The following STARD3NL variants were observed in gnomAD, a reference collection of about 807,000 sequenced individuals.
The protein encoded by STARD3NL is STARD3 N-terminal like.
STARD3NL carries 17 observed loss-of-function variants against 30.9 expected under a neutral mutation model. That is an observed-to-expected ratio of 0.55 (90% CI 0.38 to 0.82). The LOEUF is 0.82. Ranked by LOEUF, STARD3NL falls within the 40% of genes least tolerant of loss-of-function variation. The pLI is 0.00. For synonymous variants in STARD3NL, 112 were observed against 100.5 expected, an observed-to-expected ratio of 1.11 and a Z score of -0.69; for missense variants, 234 against 277.6, an observed-to-expected ratio of 0.84 and a Z score of 1.12.
intron 7 of STARD3NL, among the ~76,000 whole-genome samples, chr7:38,223,700 G>A (rs1051353242): frequency 9.9e-5 from 15 of 151,742 alleles, no homozygotes; most frequent in African/African-American, 2.9e-4. Context: ...CCTATGTGTC[G>A]TGAATAGATT....
intron 2 of STARD3NL, among the ~76,000 whole-genome samples, chr7:38,208,497 T>C (rs13224408): frequency 0.083 from 12,696 of 152,252 alleles, 653 homozygotes; most frequent in Middle Eastern, 0.15. Context: ...GAAACTCATT[T>C]TAATAATATT....
Position 38,207,690 on chromosome 7 carries a change from C to T in STARD3NL, c.186C>T (p.Asp62=). 1 of 1,614,040 alleles carries T rather than the reference C, an allele frequency of 6.2e-7. No individual in the cohort carries two copies. The highest frequency in any genetic ancestry group is 8.5e-7 in the Non-Finnish European group (1 of 1,179,952). The stretch of plus-strand genomic sequence containing the variant: ...CTTTCTGTTTGTTTGTCACCTTTGA[C>T]CTCTTATTCGTAACATTACTGTGGA... ...RRTFCLFVTF[D]LLFVTLLWII... Residue 62 remains aspartate (D), a synonymous_variant, in exon 2 of 9, where the codon GAC becomes GAT. Transcript: ENST00000009041.
At chr7:38,194,440 C>T (rs1784820701) in intron 1 of STARD3NL, among the ~76,000 whole-genome samples, 1 of 151,934 alleles carries the variant, frequency 6.6e-6, no homozygotes, top group Non-Finnish European at 1.5e-5. Flanking sequence ...CATTGTTTTT[C>T]TTTTTTCTTT....
chr7:38,219,366 G>A (rs924488127), intron 6 of STARD3NL, among the ~76,000 whole-genome samples, 199 bp from the exon 7 acceptor site: 1 of 152,134 alleles, frequency 6.6e-6, no homozygotes, highest in Non-Finnish European at 1.5e-5. Flanking sequence ...ACTTATTTAA[G>A]CTGCTTAGTT....
intron 7 of STARD3NL, among the ~76,000 whole-genome samples, chr7:38,221,099 T>C (rs1786436046): frequency 6.6e-6 from 1 of 152,178 alleles, no homozygotes; most frequent in Admixed American, 6.6e-5. Context: ...GAAGTCAAAT[T>C]TTCAGAATGG....
chr7:38,184,576 C>T (rs1448047644), intron 1 of STARD3NL, among the ~76,000 whole-genome samples: 4 of 149,854 alleles, frequency 2.7e-5, no homozygotes, highest in African/African-American at 9.9e-5. Flanking sequence ...AGAGCTCACT[C>T]ATCACCAAGG....
intron 1 of STARD3NL, among the ~76,000 whole-genome samples, chr7:38,196,753 A>G (rs900850380): frequency 6.6e-6 from 1 of 152,204 alleles, no homozygotes; most frequent in Non-Finnish European, 1.5e-5. Context: ...AGATTTCTCT[A>G]TATAGTAGCT....
chr7:38,187,026 A>G (rs1400675517), intron 1 of STARD3NL, among the ~76,000 whole-genome samples: 1 of 100,162 alleles, frequency 1.0e-5, no homozygotes, highest in Admixed American at 9.3e-5. Context: ...AGCAGCTTCT[A>G]AAAAAAAAAA....
chr7:38,219,435 A>G, intron 6 of STARD3NL, 130 bp from the exon 7 acceptor site: 1 of 589,536 alleles, frequency 1.7e-6, no homozygotes, highest in South Asian at 2.2e-5. Context: ...TGGTTGAAAC[A>G]TTTTTAAAGT....
At chr7:38,207,834 T>C in intron 2 of STARD3NL, 105 bp downstream of exon 2, 1 of 1,095,624 alleles carries the variant, frequency 9.1e-7, no homozygotes. Context: ...AATTTCCATC[T>C]TTTTCCAAAT....
At chr7:38,195,903 G>A (rs1274880266) in intron 1 of STARD3NL, among the ~76,000 whole-genome samples, 2 of 152,140 alleles carry the variant, frequency 1.3e-5, no homozygotes, top group African/African-American at 2.4e-5. Context: ...AAACTACTCC[G>A]TATTATCACA....
chr7:38,219,496 A>T, intron 6 of STARD3NL, 69 bp from the exon 7 acceptor site: 2 of 1,087,322 alleles, frequency 1.8e-6, no homozygotes, highest in Non-Finnish European at 2.8e-6. Context: ...ATTTTATTTT[A>T]CTTAATCTTG....
intron 2 of STARD3NL, among the ~76,000 whole-genome samples, chr7:38,208,101 T>C (rs1238059022): frequency 6.6e-6 from 1 of 152,134 alleles, no homozygotes; most frequent in Non-Finnish European, 1.5e-5. Context: ...TTGCACTGAG[T>C]AGTTGCAGTT....
At chr7:38,189,317 G>A (rs1453881863) in intron 1 of STARD3NL, among the ~76,000 whole-genome samples, 2 of 152,190 alleles carry the variant, frequency 1.3e-5, no homozygotes, top group Non-Finnish European at 2.9e-5. Flanking sequence ...CATGGAGTTG[G>A]GCTGTCGAAA....
At chr7:38,211,212 T>C (rs1184684289) in intron 2 of STARD3NL, among the ~76,000 whole-genome samples, 2 of 152,228 alleles carry the variant, frequency 1.3e-5, no homozygotes, top group African/African-American at 2.4e-5. Flanking sequence ...CCTACTATGC[T>C]CTATAAATGG....
intron 1 of STARD3NL, chr7:38,198,360 A>G (rs1282944999): frequency 6.6e-6 from 1 of 152,214 alleles, no homozygotes. Flanking sequence ...TGGCTTTATT[A>G]TCATGGTAAG....
intron 1 of STARD3NL, among the ~76,000 whole-genome samples, chr7:38,199,314 A>G (rs1288305178): frequency 1.3e-5 from 2 of 152,246 alleles, no homozygotes; most frequent in Admixed American, 1.3e-4. Context: ...GACATCTGGA[A>G]AAATACCCAA....
At chr7:38,221,853 T>C (rs1786483280) in intron 7 of STARD3NL, among the ~76,000 whole-genome samples, 1 of 152,212 alleles carries the variant, frequency 6.6e-6, no homozygotes. Context: ...TCTAGGGCCC[T>C]CCAGCCATTG....
intron 1 of STARD3NL, among the ~76,000 whole-genome samples, chr7:38,190,712 G>A (rs1050712224): frequency 6.6e-6 from 1 of 152,106 alleles, no homozygotes; most frequent in African/African-American, 2.4e-5. Context: ...TTCTAGGCTT[G>A]TGCATTGCAT....
Sources: allele counts gnomAD v4.1 joint callset (sites outside exome capture counted in the v4.1 genomes callset), GRCh38; gene constraint gnomAD v4.1.1; transcripts MANE v1.5; gene names NCBI Gene and HGNC (gene_info 2026-07-23, HGNC 2026-07-21).